Variants in MAGT1 observed in about 807,000 individuals in gnomAD.
MAGT1 encodes dolichyl-diphosphooligosaccharide--protein glycosyltransferase subunit MAGT1.
In MAGT1, 4 loss-of-function variants were observed where a neutral mutation model predicts 28.4. The observed-to-expected ratio is 0.14, with a 90% CI of 0.07 to 0.32. MAGT1 has a LOEUF of 0.32. Among genes scored for constraint, MAGT1 ranks in the 10% least tolerant of loss-of-function variants. The pLI is 1.00. For synonymous variants in MAGT1, 89 were observed against 89.7 expected (o/e 0.99, Z 0.04); for missense variants, 193 against 264.5 (o/e 0.73, Z 1.88).
At chrX:77,851,902 G>A (rs1333708824) in intron 7 of MAGT1, among the ~76,000 whole-genome samples, 2 of 101,165 alleles carry the variant, frequency 2.0e-5, no homozygotes, top group Admixed American at 1.1e-4. Flanking sequence ...CCCCCGCCCC[G>A]CCGCCCGCCC....
chrX:77,863,250 C>T (rs1557216588), intron 3 of MAGT1, among the ~76,000 whole-genome samples: 1 of 109,906 alleles, frequency 9.1e-6, no homozygotes, highest in Non-Finnish European at 1.9e-5. Flanking sequence ...TGGTGGCTCA[C>T]GCCTGTAATC....
intron 3 of MAGT1, among the ~76,000 whole-genome samples, chrX:77,860,401 T>A (rs2076991881): frequency 1.8e-5 from 2 of 111,674 alleles, no homozygotes; most frequent in Admixed American, 1.9e-4. Context: ...AAACATCTTG[T>A]AGCCCAACGA....
chrX:77,834,283 T>A (rs1197486000), intron 8 of MAGT1, among the ~76,000 whole-genome samples: 1 of 100,078 alleles, frequency 1.0e-5, no homozygotes, highest in South Asian at 4.6e-4. Flanking sequence ...TATATGTATA[T>A]ATATGCATAT....
intron 7 of MAGT1, among the ~76,000 whole-genome samples, chrX:77,847,401 C>T (rs1200935335): frequency 8.9e-6 from 1 of 112,006 alleles, no homozygotes; most frequent in Non-Finnish European, 1.9e-5. Context: ...GATGCCTCGC[C>T]CTGCTTCGGT....
chrX:77,874,295 TA>T (rs1339498262), intron 2 of MAGT1, among the ~76,000 whole-genome samples: 36 of 95,490 alleles, frequency 3.8e-4, no homozygotes, highest in Admixed American at 4.6e-4. Flanking sequence ...ATCTTTTTTT[TA>T]AAAAAAAAAA....
chrX:77,873,722 ATAAT>A (rs1263391623), intron 2 of MAGT1, among the ~76,000 whole-genome samples: 9 of 111,897 alleles, frequency 8.0e-5, no homozygotes, highest in African/African-American at 2.3e-4. Flanking sequence ...TAAAAAAATA[ATAAT>A]TAATATACCC....
At position 77,856,255 on chromosome X, in the gene MAGT1, G is replaced by A. The variant is rs1603361674; in HGVS notation, c.672+478C>T. Among the ~76,000 whole-genome samples the A allele has an allele frequency of 2.8e-5, 3 of 108,856 alleles. No homozygotes were observed. In the Middle Eastern group the frequency reaches 0.014, roughly 506 times the overall value. The allele number at this position is 108,856 out of a possible 115,157, so 94.5% of individuals were successfully genotyped here. A position where few individuals can be genotyped will look rare whatever the true frequency, so the allele number is the denominator to read the frequency against. Reference sequence around the variant, plus strand: ...GTTCAAGACCAGCCTGGCCAACATGGTGAAACCCCGTCTCTCCTAAAAATA... The same window carrying A: ...GTTCAAGACCAGCCTGGCCAACATGATGAAACCCCGTCTCTCCTAAAAATA... On this transcript the variant is annotated intron_variant, in intron 5 of 9. Coordinates refer to ENST00000618282, the MANE Select transcript of MAGT1 (RefSeq NM_001367916.1).
chrX:77,841,114 A>T, intron 8 of MAGT1, 132 bp downstream of exon 8: 1 of 451,737 alleles, frequency 2.2e-6, no homozygotes, highest in Non-Finnish European at 3.8e-6. Context: ...AACAGATATG[A>T]CATTTAAAGA....
chrX:77,895,435 T>A lies in MAGT1; in HGVS notation c.-25A>T. 2.5e-6 allele frequency: 3 copies of A among 1,207,280 alleles called. No homozygotes were observed. The highest frequency in any genetic ancestry group is 3.4e-6 in the Non-Finnish European group (3 of 892,853). Reference sequence around the variant, plus strand: ...TGTTCGCTCCTCTCCCTTCTATAAGTGAAACTTTGCTCCGGCTAGGTCTGA... The same window carrying A: ...TGTTCGCTCCTCTCCCTTCTATAAGAGAAACTTTGCTCCGGCTAGGTCTGA... On this transcript the variant is annotated 5_prime_UTR_variant, in exon 1 of 10. Coordinates refer to ENST00000618282, the MANE Select transcript of MAGT1 (RefSeq NM_001367916.1).
chrX:77,895,143 GAGTTAC>G (rs1316456201), intron 1 of MAGT1, among the ~76,000 whole-genome samples, 160 bp downstream of exon 1: 1 of 111,653 alleles, frequency 9.0e-6, no homozygotes, highest in Admixed American at 9.6e-5. Context: ...AGAAGACAAA[GAGTTAC>G]AGTTCCTTCT....
intron 3 of MAGT1, among the ~76,000 whole-genome samples, chrX:77,862,638 T>C (rs1557216555): frequency 1.8e-5 from 2 of 111,471 alleles, no homozygotes; most frequent in Admixed American, 1.9e-4. Context: ...GGCCAACAGG[T>C]GTATGAAAAA....
intron 8 of MAGT1, among the ~76,000 whole-genome samples, chrX:77,839,153 A>C (rs1181455161): frequency 1.9e-5 from 2 of 106,062 alleles, no homozygotes; most frequent in Non-Finnish European, 3.9e-5. Context: ...AATACAAAAA[A>C]ATTAGCCAGG....
intron 1 of MAGT1, among the ~76,000 whole-genome samples, chrX:77,878,900 A>C (rs1484373629): frequency 9.0e-6 from 1 of 111,516 alleles, no homozygotes; most frequent in Non-Finnish European, 1.9e-5. Context: ...TAGAAATGAA[A>C]ATTTATGTCT....
At chrX:77,845,477 G>T (rs782354243) in intron 7 of MAGT1, among the ~76,000 whole-genome samples, 44 of 111,639 alleles carry the variant, frequency 3.9e-4, no homozygotes, top group African/African-American at 1.4e-3. Context: ...ATTTGATCCT[G>T]TCATTATGTT....
At chrX:77,886,149 G>T (rs1006265571) in intron 1 of MAGT1, among the ~76,000 whole-genome samples, 44 of 111,544 alleles carry the variant, frequency 3.9e-4, no homozygotes, top group African/African-American at 1.4e-3. Context: ...GAACTGAAAA[G>T]AATGTACAAT....
chrX:77,870,788 G>C lies in MAGT1; in HGVS notation c.390+20C>G. Reference sequence around the variant, plus strand: ...ATATTTTACCTATTTTTATATAGCAGAATAAACCAAAGATCTTACCATCTG... The same window carrying C: ...ATATTTTACCTATTTTTATATAGCACAATAAACCAAAGATCTTACCATCTG... On this transcript the variant is annotated intron_variant, in intron 3 of 9. Transcript: ENST00000618282. 9.5e-7 allele frequency: 1 copy of C among 1,054,504 alleles called. No homozygotes were observed. The highest frequency in any genetic ancestry group is 1.8e-5 in the African/African-American group (1 of 54,656). The allele number at this position is 1,054,504 out of a possible 1,213,427, so 86.9% of individuals were successfully genotyped here. A position where few individuals can be genotyped will look rare whatever the true frequency, so the allele number is the denominator to read the frequency against.
chrX:77,886,186 A>G (rs962070518), intron 1 of MAGT1, among the ~76,000 whole-genome samples: 6 of 111,829 alleles, frequency 5.4e-5, no homozygotes, highest in African/African-American at 1.9e-4. Context: ...TATGTATTCA[A>G]AAATCTTTAA....
chrX:77,835,947 G>A (rs1273905025), intron 8 of MAGT1, among the ~76,000 whole-genome samples: 2 of 110,769 alleles, frequency 1.8e-5, no homozygotes, highest in African/African-American at 6.6e-5. Flanking sequence ...GGGATTACAG[G>A]TGTGCACCAC....
chrX:77,895,244 C>T (rs1034329769), intron 1 of MAGT1, 65 bp downstream of exon 1: 65 of 1,127,632 alleles, frequency 5.8e-5, no homozygotes, highest in Non-Finnish European at 7.5e-5. Flanking sequence ...TGGGAAGAGG[C>T]GAACAGACCC....
Sources: allele counts gnomAD v4.1 joint callset (sites outside exome capture counted in the v4.1 genomes callset), GRCh38; gene constraint gnomAD v4.1.1; transcripts MANE v1.5; gene names NCBI Gene and HGNC (gene_info 2026-07-23, HGNC 2026-07-21).